GRM7: variants seen among roughly 807,000 people sequenced by gnomAD.
The protein encoded by GRM7 is metabotropic glutamate receptor 7.
In GRM7, 35 loss-of-function variants were observed where a neutral mutation model predicts 84.5. The ratio of observed to expected loss-of-function variants is 0.41; its 90% CI spans 0.32 to 0.55. GRM7 has a LOEUF of 0.55. Ranked by LOEUF, GRM7 falls within the 20% of genes least tolerant of loss-of-function variation. The probability of loss-of-function intolerance (pLI) is 0.19; values close to 1 mark genes in which losing one functional copy is unlikely to be tolerated. For synonymous variants in GRM7, 487 were observed against 455.1 expected (o/e 1.07, Z -0.89); for missense variants, 1,003 against 1,194.6 (o/e 0.84, Z 2.36).
intron 4 of GRM7, among the ~76,000 whole-genome samples, chr3:7,372,833 A>G (rs565168377): frequency 6.6e-6 from 1 of 152,212 alleles, no homozygotes; most frequent in East Asian, 1.9e-4. Flanking sequence ...GAAAGGGGGT[A>G]AGGAAAGAAA....
intron 1 of GRM7, among the ~76,000 whole-genome samples, chr3:7,027,221 G>A: frequency 6.6e-6 from 1 of 152,070 alleles, no homozygotes; most frequent in East Asian, 1.9e-4. Flanking sequence ...TGATGCTAGG[G>A]ACCACAAACT....
At chr3:7,226,087 C>G (rs530608587) in intron 2 of GRM7, among the ~76,000 whole-genome samples, 1 of 152,144 alleles carries the variant, frequency 6.6e-6, no homozygotes, top group Non-Finnish European at 1.5e-5. Context: ...TATGCCTACT[C>G]TCTGATAGGT....
intron 4 of GRM7, among the ~76,000 whole-genome samples, chr3:7,326,127 C>G (rs1423361374): frequency 7.3e-6 from 1 of 136,750 alleles, no homozygotes; most frequent in Non-Finnish European, 1.5e-5. Flanking sequence ...TAAGTGACAA[C>G]CACAGTAATT....
At chr3:6,947,822 AT>A (rs1698148740) in intron 1 of GRM7, among the ~76,000 whole-genome samples, 1 of 151,876 alleles carries the variant, frequency 6.6e-6, no homozygotes, top group Admixed American at 6.6e-5. Context: ...TTTCTTCTAG[AT>A]TTTCTAGTTT....
chr3:7,300,950 G>C (rs955975058), intron 3 of GRM7, among the ~76,000 whole-genome samples: 1 of 152,120 alleles, frequency 6.6e-6, no homozygotes. Flanking sequence ...AAATGGCGTT[G>C]AACAAGTGAA....
chr3:7,432,766 G>C (rs116064470), intron 5 of GRM7, among the ~76,000 whole-genome samples: 1 of 152,118 alleles, frequency 6.6e-6, no homozygotes, highest in Non-Finnish European at 1.5e-5. Context: ...GAATGGATGG[G>C]TTAAAAAAGA....
intron 4 of GRM7, among the ~76,000 whole-genome samples, chr3:7,309,213 G>A (rs557301383): frequency 1.8e-4 from 27 of 152,234 alleles, no homozygotes; most frequent in South Asian, 4.1e-4. Context: ...CATTAAGATA[G>A]CATCTATGCA....
chr3:6,992,051 T>C (rs1420250264), intron 1 of GRM7, among the ~76,000 whole-genome samples: 3 of 151,538 alleles, frequency 2.0e-5, no homozygotes. Flanking sequence ...ATTTATACGT[T>C]AGTCACAGAA....
At chr3:7,345,628 T>C (rs973397618) in intron 4 of GRM7, among the ~76,000 whole-genome samples, 2 of 152,110 alleles carry the variant, frequency 1.3e-5, no homozygotes, top group Non-Finnish European at 2.9e-5. Context: ...CAGAAATTGT[T>C]TGCAGCCTAT....
At position 7,096,234 on chromosome 3, in the gene GRM7, T is replaced by C. The variant is rs889996676; in HGVS notation, c.520-50218T>C. 1.1e-4 allele frequency among the ~76,000 whole-genome samples: 16 copies of C among 152,160 alleles called. 2 individuals carry two copies. The highest frequency in any genetic ancestry group is 5.2e-4 in the Admixed American group (8 of 15,264). ...TGTATGGCAGTACACCTAGTGATGCTAACCACCTGGAGTGAGTGCAGACCC... is the reference window on the plus strand; with the variant it reads ...TGTATGGCAGTACACCTAGTGATGCCAACCACCTGGAGTGAGTGCAGACCC... On this transcript the variant is annotated intron_variant, in intron 1 of 9. Coordinates refer to ENST00000357716, the MANE Select transcript of GRM7 (RefSeq NM_000844.4).
intron 8 of GRM7, among the ~76,000 whole-genome samples, chr3:7,595,108 C>T (rs897667181): frequency 2.0e-5 from 3 of 152,164 alleles, no homozygotes; most frequent in African/African-American, 7.2e-5. Flanking sequence ...GACTTTGTGC[C>T]TGGCACTATC....
At chr3:6,891,372 G>T (rs189790730) in intron 1 of GRM7, among the ~76,000 whole-genome samples, 1 of 152,132 alleles carries the variant, frequency 6.6e-6, no homozygotes, top group African/African-American at 2.4e-5. Flanking sequence ...GGCTGGTACC[G>T]GTTGTTGCTT....
intron 7 of GRM7, among the ~76,000 whole-genome samples, chr3:7,518,209 G>A (rs1341375277): frequency 6.6e-6 from 1 of 152,190 alleles, no homozygotes; most frequent in Non-Finnish European, 1.5e-5. Flanking sequence ...TCAGCAAGCG[G>A]CTTCAATGTC....
At chr3:7,552,239 T>G (rs2125026974) in intron 7 of GRM7, among the ~76,000 whole-genome samples, 1 of 152,288 alleles carries the variant, frequency 6.6e-6, no homozygotes, top group Middle Eastern at 3.4e-3. Context: ...ATGCAAGAAG[T>G]TGGTTCTCAC....
At chr3:7,405,335 T>G (rs780645690) in intron 4 of GRM7, among the ~76,000 whole-genome samples, 12 of 152,200 alleles carry the variant, frequency 7.9e-5, no homozygotes, top group Admixed American at 6.5e-4. Context: ...TATGATTGAT[T>G]ATTATTTTAT....
chr3:7,201,500 T>A (rs1696067968), intron 2 of GRM7, among the ~76,000 whole-genome samples: 1 of 152,170 alleles, frequency 6.6e-6, no homozygotes, highest in African/African-American at 2.4e-5. Flanking sequence ...TGTTATTACA[T>A]CCTCTATAGA....
At chr3:7,158,021 A>T (rs1412853012) in intron 2 of GRM7, among the ~76,000 whole-genome samples, 1 of 152,168 alleles carries the variant, frequency 6.6e-6, no homozygotes, top group Non-Finnish European at 1.5e-5. Context: ...TGTGTGGGAG[A>T]GCATTGCAGA....
chr3:7,015,352 G>C (rs979858369), intron 1 of GRM7, among the ~76,000 whole-genome samples: 7 of 152,186 alleles, frequency 4.6e-5, no homozygotes, highest in Non-Finnish European at 8.8e-5. Context: ...GTGGGATATC[G>C]ATAGATACTT....
chr3:7,229,863 G>A (rs1288547745), intron 2 of GRM7, among the ~76,000 whole-genome samples: 8 of 106,930 alleles, frequency 7.5e-5, no homozygotes, highest in African/African-American at 1.9e-4. Flanking sequence ...TTTTTGAGAC[G>A]GAGTCTTGCT....
Sources: allele counts gnomAD v4.1 joint callset (sites outside exome capture counted in the v4.1 genomes callset), GRCh38; gene constraint gnomAD v4.1.1; transcripts MANE v1.5; gene names NCBI Gene and HGNC (gene_info 2026-07-23, HGNC 2026-07-21).